Variants in NCOA1 observed in about 807,000 individuals in gnomAD.
NCOA1 encodes the protein Hin-2 protein.
In NCOA1, 35 loss-of-function variants were observed where a neutral mutation model predicts 150.9. The observed-to-expected ratio is 0.23, with a 90% CI of 0.18 to 0.31. The LOEUF (loss-of-function observed/expected upper bound fraction) is 0.31, where lower values mean the gene tolerates loss of function less well. Ranked by LOEUF, NCOA1 falls within the 10% of genes least tolerant of loss-of-function variation. The pLI is 1.00. For missense variants in NCOA1, 1,491 were observed against 1,749.3 expected, an observed-to-expected ratio of 0.85 and a Z score of 2.63; for synonymous variants, 590 against 630.0, an observed-to-expected ratio of 0.94 and a Z score of 0.95.
intron 3 of NCOA1, among the ~76,000 whole-genome samples, chr2:24,604,552 C>T (rs895781523): frequency 6.6e-6 from 1 of 152,220 alleles, no homozygotes; most frequent in Non-Finnish European, 1.5e-5. Context: ...ATGGAGACAG[C>T]TTCTTTAACC....
At chr2:24,616,312 C>G (rs1668869431) in intron 3 of NCOA1, among the ~76,000 whole-genome samples, 1 of 152,126 alleles carries the variant, frequency 6.6e-6, no homozygotes, top group Admixed American at 6.5e-5. Flanking sequence ...TACCATAGTA[C>G]ATAGTTTTAA....
chr2:24,698,780 A>G (rs894269142), intron 11 of NCOA1, among the ~76,000 whole-genome samples: 3 of 152,202 alleles, frequency 2.0e-5, no homozygotes, highest in African/African-American at 7.2e-5. Context: ...CATTTTTCCC[A>G]TAACATTAGA....
chr2:24,513,461 T>A (rs1385523134), intron 1 of NCOA1, among the ~76,000 whole-genome samples: 1 of 152,034 alleles, frequency 6.6e-6, no homozygotes, highest in Non-Finnish European at 1.5e-5. Flanking sequence ...ATTTACTTAC[T>A]CACGCTCCTC....
intron 17 of NCOA1, among the ~76,000 whole-genome samples, chr2:24,734,418 A>C (rs1663183726): frequency 1.3e-5 from 2 of 152,240 alleles, no homozygotes; most frequent in Admixed American, 6.5e-5. Flanking sequence ...AATTTGTTTT[A>C]GAAGCATCAA....
At chr2:24,552,858 T>C (rs945303020) in intron 1 of NCOA1, among the ~76,000 whole-genome samples, 2 of 152,230 alleles carry the variant, frequency 1.3e-5, no homozygotes, top group African/African-American at 4.8e-5. Flanking sequence ...GTAGTTTTAA[T>C]AGTAGAAATT....
intron 22 of NCOA1, among the ~76,000 whole-genome samples, chr2:24,764,622 A>G (rs146163241): frequency 6.6e-6 from 1 of 152,356 alleles, no homozygotes; most frequent in Non-Finnish European, 1.5e-5. Flanking sequence ...AACTGAAGGT[A>G]AAGGGTTTAT....
At chr2:24,629,809 C>CATATATATATATATATAT (rs1281547183) in intron 3 of NCOA1, among the ~76,000 whole-genome samples, 2 of 97,378 alleles carry the variant, frequency 2.1e-5, no homozygotes, top group African/African-American at 4.5e-5. Context: ...TTTTAAGTAA[C>CATATATATATATATATAT]ATACATACAT....
intron 4 of NCOA1, among the ~76,000 whole-genome samples, chr2:24,654,213 G>A (rs183693670): frequency 1.5e-4 from 23 of 152,230 alleles, no homozygotes; most frequent in Admixed American, 1.2e-3. Flanking sequence ...ACTTTGTTTT[G>A]TGGTGGCTGT....
chr2:24,666,029 T>G (rs1329126376), intron 6 of NCOA1, 114 bp downstream of exon 6: 1 of 630,788 alleles, frequency 1.6e-6, no homozygotes, highest in Admixed American at 5.5e-5. Flanking sequence ...TATTATTTTT[T>G]GAGATGAAGT....
chr2:24,556,550 A>G (rs1666082270), intron 1 of NCOA1, among the ~76,000 whole-genome samples: 1 of 152,236 alleles, frequency 6.6e-6, no homozygotes. Flanking sequence ...AGGCAACCCC[A>G]TTAAAAAGTG....
chr2:24,536,384 A>AATGGGTTAGAAC (rs1665143027), intron 1 of NCOA1, among the ~76,000 whole-genome samples: 1 of 152,138 alleles, frequency 6.6e-6, no homozygotes, highest in Non-Finnish European at 1.5e-5. Flanking sequence ...GCTTCCTTGC[A>AATGGGTTAGAAC]ATGGGTTAGA....
At chr2:24,739,221 T>C (rs1366318774) in intron 17 of NCOA1, among the ~76,000 whole-genome samples, 4 of 152,132 alleles carry the variant, frequency 2.6e-5, no homozygotes, top group African/African-American at 4.8e-5. Flanking sequence ...TATCCTACTT[T>C]TAAATACTTT....
intron 2 of NCOA1, among the ~76,000 whole-genome samples, chr2:24,571,906 T>G (rs993393255): frequency 6.6e-6 from 1 of 152,146 alleles, no homozygotes; most frequent in African/African-American, 2.4e-5. Context: ...CATTCATGGC[T>G]CATTTTACTT....
intron 12 of NCOA1, among the ~76,000 whole-genome samples, chr2:24,705,955 TTTTAG>T (rs1673402770): frequency 6.6e-6 from 1 of 152,192 alleles, no homozygotes; most frequent in Non-Finnish European, 1.5e-5. Context: ...TTTTTTCTAC[TTTTAG>T]TTTAAATTAT....
At chr2:24,688,521 T>C (rs1055491707) in intron 8 of NCOA1, among the ~76,000 whole-genome samples, 4 of 152,230 alleles carry the variant, frequency 2.6e-5, no homozygotes, top group African/African-American at 9.6e-5. Flanking sequence ...GAGCTTTTTT[T>C]CACATGCTTG....
At chr2:24,572,670 G>A (rs1312055689) in intron 2 of NCOA1, among the ~76,000 whole-genome samples, 2 of 152,056 alleles carry the variant, frequency 1.3e-5, no homozygotes, top group African/African-American at 2.4e-5. Context: ...CTCTCCACCC[G>A]AGCTGCACCT....
At chr2:24,640,560 C>T (rs983845933) in intron 3 of NCOA1, among the ~76,000 whole-genome samples, 1 of 152,132 alleles carries the variant, frequency 6.6e-6, no homozygotes, top group Non-Finnish European at 1.5e-5. Flanking sequence ...ATCATCCTAG[C>T]ACTTTGGGAG....
At chr2:24,649,565 G>C (rs1670622579) in intron 4 of NCOA1, among the ~76,000 whole-genome samples, 2 of 152,142 alleles carry the variant, frequency 1.3e-5, no homozygotes, top group South Asian at 4.1e-4. Context: ...TAAGATAGCT[G>C]CCACAAATAT....
intron 2 of NCOA1, among the ~76,000 whole-genome samples, chr2:24,567,929 A>G (rs1044755375): frequency 1.3e-5 from 2 of 152,050 alleles, no homozygotes; most frequent in Non-Finnish European, 1.5e-5. Flanking sequence ...TTTTTAGTAG[A>G]GACGGAGTTT....
Sources: allele counts gnomAD v4.1 joint callset (sites outside exome capture counted in the v4.1 genomes callset), GRCh38; gene constraint gnomAD v4.1.1; transcripts MANE v1.5; gene names NCBI Gene and HGNC (gene_info 2026-07-23, HGNC 2026-07-21).